The following TMED3 variants were observed in gnomAD, a reference collection of about 807,000 sequenced individuals.
The protein encoded by TMED3 is transmembrane p24 trafficking protein 3.
Under a neutral mutation model 15.0 loss-of-function variants are expected in TMED3, and 9 were observed. The observed-to-expected ratio is 0.60, with a 90% CI of 0.36 to 1.04. The LOEUF (loss-of-function observed/expected upper bound fraction) is 1.04. Among genes scored for constraint, TMED3 ranks in the 50% least tolerant of loss-of-function variants. The pLI is 0.01. For missense variants in TMED3, 267 were observed against 278.9 expected (o/e 0.96, Z 0.30); for synonymous variants, 117 against 121.4 (o/e 0.96, Z 0.24).
rs199823329 is a variant in TMED3, at chr15:79,353,403, A to AAT, written c.417+39410_417+39411dup. The stretch of plus-strand genomic sequence containing the variant: ...ATATAAAATTTTGTGTCTTTCAAAA[A>AAT]ATATATATATATAAAAATCAATATT... On this transcript the variant is annotated intron_variant, in intron 2 of 2. Coordinates refer to the TMED3 transcript ENST00000424155. 9.0e-3 allele frequency among the ~76,000 whole-genome samples: 1,180 copies of AAT among 131,674 alleles called. 53 individuals are homozygous for AAT. In the East Asian group the frequency reaches 0.11, roughly 12 times the overall value. 86.4% of individuals were successfully genotyped at this position (131,674 alleles called of 152,430 possible). A position where few individuals can be genotyped will look rare whatever the true frequency, so the allele number is the denominator to read the frequency against.
chr15:79,395,932 G>A (rs1240974050), intron 2 of TMED3, among the ~76,000 whole-genome samples: 1 of 152,292 alleles, frequency 6.6e-6, no homozygotes, highest in African/African-American at 2.4e-5. Context: ...TGGATCAGTT[G>A]TTGCTGATAA....
chr15:79,368,080 G>A (rs1893270513), intron 2 of TMED3, among the ~76,000 whole-genome samples: 1 of 152,180 alleles, frequency 6.6e-6, no homozygotes, highest in African/African-American at 2.4e-5. Flanking sequence ...ACAACTCAGG[G>A]ACGTATGTTA....
intron 2 of TMED3, among the ~76,000 whole-genome samples, chr15:79,384,906 C>T (rs1893603891): frequency 2.0e-5 from 3 of 152,108 alleles, no homozygotes; most frequent in Admixed American, 2.0e-4. Context: ...GAAGCAGCTG[C>T]AGTCCGTGGC....
intron 2 of TMED3, among the ~76,000 whole-genome samples, chr15:79,402,352 C>T (rs573261610): frequency 2.6e-5 from 4 of 152,290 alleles, no homozygotes; most frequent in African/African-American, 9.6e-5. Context: ...GGTGGGTTCC[C>T]ACATGTGGCT....
At chr15:79,324,469 A>C (rs1394611529), downstream of TMED3, among the ~76,000 whole-genome samples, 1 of 152,232 alleles carries the variant, frequency 6.6e-6, no homozygotes, top group Non-Finnish European at 1.5e-5. Context: ...GGAAGGGGAA[A>C]GATGGAAAAT....
intron 2 of TMED3, among the ~76,000 whole-genome samples, chr15:79,351,296 AGAG>A (rs1369054836): frequency 6.6e-6 from 1 of 152,208 alleles, no homozygotes; most frequent in Non-Finnish European, 1.5e-5. Flanking sequence ...ATGATTTCCA[AGAG>A]TCTACGGCTC....
At chr15:79,330,780 G>T (rs1430627317) in intron 2 of TMED3, among the ~76,000 whole-genome samples, 1 of 152,086 alleles carries the variant, frequency 6.6e-6, no homozygotes, top group African/African-American at 2.4e-5. Context: ...AGACCTCAAA[G>T]TATACTGCAA....
intron 2 of TMED3, among the ~76,000 whole-genome samples, chr15:79,349,344 AT>A (rs971245149): frequency 7.4e-4 from 113 of 151,856 alleles, no homozygotes; most frequent in African/African-American, 2.4e-3. Flanking sequence ...TGTCAACTTA[AT>A]TTTTTTTTAA....
At chr15:79,385,321 AC>A (rs34828160) in intron 2 of TMED3, among the ~76,000 whole-genome samples, 4 of 152,062 alleles carry the variant, frequency 2.6e-5, no homozygotes, top group Non-Finnish European at 5.9e-5. Flanking sequence ...GTCCGCACCT[AC>A]CCCTAGGAAG....
downstream of TMED3, among the ~76,000 whole-genome samples, chr15:79,326,637 G>T (rs1797755625): frequency 6.6e-6 from 1 of 152,216 alleles, no homozygotes; most frequent in African/African-American, 2.4e-5. Context: ...ACAATCACTT[G>T]TTGCAGATTC....
chr15:79,398,109 C>T (rs1893785538), intron 2 of TMED3, among the ~76,000 whole-genome samples: 1 of 152,140 alleles, frequency 6.6e-6, no homozygotes, highest in Non-Finnish European at 1.5e-5. Context: ...AGTAGTTTCA[C>T]TGCCCTAAAA....
chr15:79,356,040 AG>A (rs760317570), intron 2 of TMED3, among the ~76,000 whole-genome samples: 17 of 152,116 alleles, frequency 1.1e-4, no homozygotes, highest in Non-Finnish European at 2.1e-4. Flanking sequence ...TGTCCTCATT[AG>A]TTGGGGGAAC....
At chr15:79,344,661 A>G (rs368128478) in intron 2 of TMED3, among the ~76,000 whole-genome samples, 3 of 152,194 alleles carry the variant, frequency 2.0e-5, no homozygotes, top group African/African-American at 7.2e-5. Context: ...TTAAGGTCAC[A>G]TTCCCAGGTT....
chr15:79,341,262 T>C (rs1225085125), intron 2 of TMED3, among the ~76,000 whole-genome samples: 1 of 141,832 alleles, frequency 7.1e-6, no homozygotes, highest in Non-Finnish European at 1.5e-5. Flanking sequence ...CAGCAGATGA[T>C]GGAAGGAAGC....
At chr15:79,314,796 A>G (rs2058733767) in intron 2 of TMED3, 1 of 272,318 alleles carries the variant, frequency 3.7e-6, no homozygotes, top group Non-Finnish European at 7.6e-6. Context: ...GTCAAGGTTC[A>G]TTATTCTCTG....
At chr15:79,352,830 T>TTA (rs58849794) in intron 2 of TMED3, among the ~76,000 whole-genome samples, 55 of 122,880 alleles carry the variant, frequency 4.5e-4, no homozygotes, top group African/African-American at 1.2e-3. Flanking sequence ...TTTCAAAATT[T>TTA]TATATATATA....
At chr15:79,353,335 T>C (rs1242239368) in intron 2 of TMED3, among the ~76,000 whole-genome samples, 1 of 83,780 alleles carries the variant, frequency 1.2e-5, no homozygotes, top group African/African-American at 4.8e-5. Flanking sequence ...TAATATATAT[T>C]ATGTATATAA....
intron 2 of TMED3, among the ~76,000 whole-genome samples, chr15:79,365,475 C>G (rs1160655018): frequency 3.3e-5 from 5 of 152,154 alleles, no homozygotes; most frequent in African/African-American, 1.2e-4. Context: ...ACCCAGGAGA[C>G]AAGTCTGTGC....
chr15:79,339,867 A>G (rs956647229), intron 2 of TMED3, among the ~76,000 whole-genome samples: 1 of 148,806 alleles, frequency 6.7e-6, no homozygotes, highest in Admixed American at 6.7e-5. Flanking sequence ...GATGGTGGTG[A>G]TGATGGTAGT....
Sources: allele counts gnomAD v4.1 joint callset (sites outside exome capture counted in the v4.1 genomes callset), GRCh38; gene constraint gnomAD v4.1.1; transcripts MANE v1.5; gene names NCBI Gene and HGNC (gene_info 2026-07-23, HGNC 2026-07-21).